Variants in HDAC5 observed in about 807,000 individuals in gnomAD.
HDAC5 encodes antigen NY-CO-9.
In HDAC5, 25 loss-of-function variants were observed where a neutral mutation model predicts 133.3. The observed-to-expected ratio is 0.19, with a 90% confidence interval of 0.14 to 0.26. HDAC5 has a LOEUF of 0.26. HDAC5 is among the 10% of genes least tolerant of loss of function. HDAC5 has a pLI of 1.00. For synonymous variants in HDAC5, 589 were observed against 610.8 expected (o/e 0.96, Z 0.53); for missense variants, 1,041 against 1,460.5 (o/e 0.71, Z 4.68).
chr17:44,110,105 T>C (rs2052242497), intron 3 of HDAC5, among the ~76,000 whole-genome samples: 1 of 152,224 alleles, frequency 6.6e-6, no homozygotes, highest in Non-Finnish European at 1.5e-5. Context: ...AACCCAGACC[T>C]GGGGAGAGGA....
chr17:44,110,921 G>A (rs1275772867), intron 2 of HDAC5, 121 bp from the exon 3 acceptor site: 1 of 810,192 alleles, frequency 1.2e-6, no homozygotes, highest in Non-Finnish European at 2.0e-6. Flanking sequence ...AGACCGAAGG[G>A]AAGGTGGTCG....
rs577266734 is a variant in HDAC5, at chr17:44,082,292, G to A, written c.2607+293C>T. The stretch of plus-strand genomic sequence containing the variant: ...ATCGGCTACTAGCAATGGCGGCAGC[G>A]TCACTACCGTTCAAGGTAGGAAATC... On this transcript the variant is annotated intron_variant, in intron 20 of 26. Coordinates refer to ENST00000682912, the MANE Select transcript of HDAC5 (RefSeq NM_005474.5). 18 of 459,362 alleles carry A rather than the reference G, an allele frequency of 3.9e-5. 1 individual carries two copies. The highest frequency in any genetic ancestry group is 2.3e-4 in the South Asian group (8 of 35,082). 28.5% of individuals were successfully genotyped at this position (459,362 alleles called of 1,614,324 possible).
Position 44,092,815 on chromosome 17 carries a change from G to A in HDAC5, c.642-9C>T, listed in dbSNP as rs753034921. On this transcript the variant is annotated splice_polypyrimidine_tract_variant and intron_variant, in intron 6 of 26. Coordinates refer to ENST00000682912, the MANE Select transcript of HDAC5 (RefSeq NM_005474.5). ...AAGCATGGTGGGCTCCCCTGGGGTG[G>A]GGGGGGGGTGGGGATGGAAGCAGAT... 4 of 499,686 alleles carry A rather than the reference G, an allele frequency of 8.0e-6. No individual in the cohort carries two copies. Among genetic ancestry groups the A allele is most frequent in the Non-Finnish European group, 8.4e-6 (3 of 357,572 alleles). The allele number at this position is 499,686 out of a possible 1,614,324, so 31.0% of individuals were successfully genotyped here.
intron 3 of HDAC5, among the ~76,000 whole-genome samples, chr17:44,096,117 C>G (rs1318304217): frequency 6.6e-6 from 1 of 152,154 alleles, no homozygotes; most frequent in African/African-American, 2.4e-5. Flanking sequence ...GCAGGGAGCC[C>G]CAAGCCCAGC....
At chr17:44,096,665 A>G (rs2051291704) in intron 3 of HDAC5, among the ~76,000 whole-genome samples, 1 of 151,730 alleles carries the variant, frequency 6.6e-6, no homozygotes, top group Admixed American at 6.6e-5. Context: ...TAGTAGACAC[A>G]AGGTTTCACC....
chr17:44,123,433 G>A (rs943448040), intron 1 of HDAC5, 71 bp downstream of exon 1: 1 of 359,488 alleles, frequency 2.8e-6, no homozygotes, highest in Non-Finnish European at 5.0e-6. Flanking sequence ...AGAGACAGCA[G>A]GAGGAGGGGG....
chr17:44,091,241 C>G (rs531008351), intron 11 of HDAC5, 29 bp downstream of exon 11: 2 of 1,561,644 alleles, frequency 1.3e-6, no homozygotes, highest in Non-Finnish European at 1.7e-6. Flanking sequence ...CCTTAGCCCC[C>G]TCCCTTGCAC....
At chr17:44,083,137 C>T (rs1186442581) in intron 18 of HDAC5, among the ~76,000 whole-genome samples, 2 of 151,924 alleles carry the variant, frequency 1.3e-5, no homozygotes, top group Non-Finnish European at 2.9e-5. Context: ...CGCCACCACA[C>T]CTGGTTAATT....
At chr17:44,093,042 G>T in intron 6 of HDAC5, 50 bp downstream of exon 6, 1 of 1,365,544 alleles carries the variant, frequency 7.3e-7, no homozygotes, top group Non-Finnish European at 1.0e-6. Flanking sequence ...TAGCCAGGCA[G>T]CCCCTGAGCG....
intron 1 of HDAC5, among the ~76,000 whole-genome samples, chr17:44,118,279 T>C (rs561791091): frequency 5.3e-5 from 8 of 152,368 alleles, no homozygotes; most frequent in South Asian, 4.1e-4. Context: ...TTTCCAGGAA[T>C]TGAGAAAGTC....
At position 44,092,185 on chromosome 17, in the gene HDAC5, T is replaced by C. The variant is rs1370865509; in HGVS notation, c.1019A>G (p.Asn340Ser). The change falls in exon 9 of 27, where the codon AAC becomes AGC. Residue 340 changes from asparagine (N) to serine (S), a missense_variant. Transcript: ENST00000682912. Reference sequence around the variant, plus strand: ...CCAGGCCTGTACCTCAGTGGGGATGTTGGGGACTGAGCCAGTAAAGCCATT... The same window carrying C: ...CCAGGCCTGTACCTCAGTGGGGATGCTGGGGACTGAGCCAGTAAAGCCATT... ...AENGFTGSVP[N>S]IPTEMLPQHR... 1.1e-5 allele frequency: 17 copies of C among 1,613,774 alleles called. No individual in the cohort carries two copies. Among genetic ancestry groups the C allele is most frequent in the Admixed American group, 3.3e-5 (2 of 59,994 alleles).
chr17:44,082,471 G>C, intron 20 of HDAC5, 114 bp downstream of exon 20: 1 of 800,188 alleles, frequency 1.2e-6, no homozygotes, highest in Middle Eastern at 3.2e-4. Flanking sequence ...CAGCACCCGA[G>C]GATGAGGACG....
In HDAC5 at chr17:44,085,830, C is replaced by T. The variant is rs1292844824; in HGVS notation, c.2051-675G>A. The stretch of plus-strand genomic sequence containing the variant: ...TTTTTTATTTTTTATTTTAAAGAGA[C>T]GGGGTCTCACTATGTTGCTCACGTT... On this transcript the variant is annotated intron_variant, in intron 14 of 26. Transcript: ENST00000682912. Among the ~76,000 whole-genome samples the T allele has an allele frequency of 4.6e-5, 7 of 152,032 alleles. No homozygotes were observed. In the South Asian group the frequency reaches 8.3e-4, roughly 18 times the overall value.
Position 44,086,650 on chromosome 17 carries a change from G to A in HDAC5, c.1972C>T (p.Arg658Cys), listed in dbSNP as rs773781546. 34 of 1,301,186 alleles carry A rather than the reference G, an allele frequency of 2.6e-5. No homozygotes were observed. In the South Asian group the frequency reaches 3.4e-4, roughly 13 times the overall value. The allele number at this position is 1,301,186 out of a possible 1,614,324, so 80.6% of individuals were successfully genotyped here. ...LATVPHQALG[R>C]TQSSPAAPGG... Reference sequence around the variant, plus strand: ...GGGGCAGCAGGGGAGGACTGGGTACGGCCCAGGGCCTGGTGGGGCACAGTG... The same window carrying A: ...GGGGCAGCAGGGGAGGACTGGGTACAGCCCAGGGCCTGGTGGGGCACAGTG... Residue 658 changes from arginine to cysteine, a missense_variant, in exon 14 of 27, where the codon CGT becomes TGT. By Grantham distance (180) the Arg-to-Cys change is radical (BLOSUM62 -3). This residue lies in a region of HDAC5 where 433 missense variants were observed against 531.6 expected (regional missense o/e 0.81). Coordinates refer to ENST00000682912, the MANE Select transcript of HDAC5 (RefSeq NM_005474.5).
chr17:44,084,497 GC>G, intron 16 of HDAC5, 57 bp downstream of exon 16: 3 of 1,602,476 alleles, frequency 1.9e-6, no homozygotes, highest in Non-Finnish European at 2.6e-6. Context: ...CTTCCTGAGA[GC>G]CCCCATCCCA....
intron 3 of HDAC5, among the ~76,000 whole-genome samples, chr17:44,106,030 C>CG (rs371103557): frequency 5.3e-4 from 80 of 152,306 alleles, no homozygotes; most frequent in African/African-American, 1.9e-3. Flanking sequence ...AATTCTGATG[C>CG]GACCAAAAGT....
At chr17:44,103,914 G>T (rs1293760205) in intron 3 of HDAC5, among the ~76,000 whole-genome samples, 1 of 151,660 alleles carries the variant, frequency 6.6e-6, no homozygotes, top group African/African-American at 2.4e-5. Flanking sequence ...CACCATGTTG[G>T]CCAGGCTGGT....
intron 3 of HDAC5, among the ~76,000 whole-genome samples, chr17:44,105,045 G>A (rs2051847064): frequency 6.6e-6 from 1 of 152,214 alleles, no homozygotes; most frequent in Admixed American, 6.5e-5. Context: ...GAAAGGAGAT[G>A]GAGGACCCAG....
intron 16 of HDAC5, 39 bp downstream of exon 16, chr17:44,084,516 A>G (rs752334256): frequency 1.2e-6 from 2 of 1,608,844 alleles, no homozygotes; most frequent in East Asian, 2.2e-5. Flanking sequence ...CCACCCTGAC[A>G]CTGAACATGC....
Sources: gnomAD v4.1 joint callset for allele counts (sites outside exome capture counted in the v4.1 genomes callset) on GRCh38, gnomAD v4.1.1 for gene constraint, gnomAD v4.1.1 regional missense constraint, MANE v1.5 for transcripts, NCBI Gene and HGNC (gene_info 2026-07-23, HGNC 2026-07-21) for gene names.